The following PCNX2 variants were observed in gnomAD, a reference collection of about 807,000 sequenced individuals.
PCNX2 encodes the protein pecanex-like protein 2.
In PCNX2, 168 loss-of-function variants were observed where a neutral mutation model predicts 223.8. The observed-to-expected ratio is 0.75, with a 90% CI of 0.66 to 0.85. The LOEUF (loss-of-function observed/expected upper bound fraction) is 0.85. Among genes scored for constraint, PCNX2 ranks in the 40% least tolerant of loss-of-function variants. The pLI, the probability that PCNX2 is intolerant of heterozygous loss-of-function variation, is 0.00. For synonymous variants in PCNX2, 1,006 were observed against 1,052.6 expected, an observed-to-expected ratio of 0.96 and a Z score of 0.86; for missense variants, 2,507 against 2,675.5, an observed-to-expected ratio of 0.94 and a Z score of 1.39.
the PCNX2 span, among the ~76,000 whole-genome samples, chr1:233,322,152 C>T: frequency 6.6e-6 from 1 of 152,148 alleles, no homozygotes; most frequent in Non-Finnish European, 1.5e-5. Context: ...TGGACACTAA[C>T]TTTTTGTCCT....
intron 21 of PCNX2, among the ~76,000 whole-genome samples, chr1:233,097,034 G>T (rs766965666): frequency 2.0e-5 from 3 of 152,162 alleles, no homozygotes; most frequent in Non-Finnish European, 2.9e-5. Context: ...TTCTGGTTTA[G>T]GAGAAAAACT....
chr1:232,986,957 C>T (rs543745293), intron 32 of PCNX2, among the ~76,000 whole-genome samples: 48 of 152,344 alleles, frequency 3.2e-4, no homozygotes, highest in African/African-American at 1.1e-3. Flanking sequence ...GATCCTGGCT[C>T]AGGACCTTGG....
intron 23 of PCNX2, among the ~76,000 whole-genome samples, chr1:233,086,242 G>A (rs1423243667): frequency 6.6e-6 from 1 of 152,200 alleles, no homozygotes; most frequent in Non-Finnish European, 1.5e-5. Context: ...GTGGGAAAGT[G>A]TTGTGGGAGA....
chr1:232,998,335 C>T lies in PCNX2; in HGVS notation c.5707G>A (p.Gly1903Ser), dbSNP rs754304262. Reference protein sequence around the residue: ...TTGGNNAPSGGSQESSAEQPR... With the variant: ...TTGGNNAPSGSSQESSAEQPR... ...TGTTCTGCGCTGCTCTCCTGGCTGC[C>T]ACCACTCGGGGCATTGTTGCCACCT... Residue 1903 changes from glycine to serine, a missense_variant, in exon 32 of 34, where the codon GGC becomes AGC. Around this residue, in one of 3 missense-constraint regions of PCNX2, gnomAD observed 1,372 missense variants for 1,509.4 expected, o/e 0.91. Transcript: ENST00000258229. The T allele has an allele frequency of 1.9e-6, 3 of 1,613,200 alleles. No homozygotes were observed. Among genetic ancestry groups the T allele is most frequent in the Non-Finnish European group, 1.7e-6 (2 of 1,179,582 alleles).
In PCNX2 at chr1:233,258,662, G is replaced by A. The variant is rs1397917037; in HGVS notation, c.1200C>T (p.Gly400=). The A allele has an allele frequency of 6.8e-6, 11 of 1,613,836 alleles. No individual in the cohort carries two copies. In the South Asian group the frequency reaches 1.2e-4, roughly 18 times the overall value. ...CAGACTTTACACTGGTCTTCTCTGT[G>A]CCAACCACCCTCAGGTGGAGGGAGC... is the stretch of plus-strand genomic sequence containing the variant. ...LESSLHLRVV[G]TEKTSVKSDA... The change falls in exon 5 of 34, where the codon GGC becomes GGT. Residue 400 remains glycine, a synonymous_variant. Transcript: ENST00000258229.
rs1179001467 is a variant in PCNX2, at chr1:233,258,405, G to A, written c.1457C>T (p.Ser486Leu). ...GNAIKDHSSS[S>L]REPWESVSRL... Reference sequence around the variant, plus strand: ...GGACACCGATTCCCAGGGTTCCCGTGATGAAGAACTGTGATCCTTGATGGC... The same window carrying A: ...GGACACCGATTCCCAGGGTTCCCGTAATGAAGAACTGTGATCCTTGATGGC... The change falls in exon 5 of 34, where the codon TCA (serine) becomes TTA (leucine). Residue 486 changes from serine (S) to leucine (L), a missense_variant. By Grantham distance (145) the Ser-to-Leu change is moderately radical (BLOSUM62 -2). Coordinates refer to ENST00000258229, the MANE Select transcript of PCNX2 (RefSeq NM_014801.4). The A allele has an allele frequency of 6.2e-7, 1 of 1,613,980 alleles. No individual in the cohort carries two copies. Among genetic ancestry groups the A allele is most frequent in the Middle Eastern group, 1.6e-4 (1 of 6,062 alleles).
intron 21 of PCNX2, among the ~76,000 whole-genome samples, chr1:233,104,987 G>C (rs1439070596): frequency 1.3e-5 from 2 of 152,102 alleles, no homozygotes; most frequent in East Asian, 3.8e-4. Context: ...GTACCAACTA[G>C]AACTTTTAGA....
intron 1 of PCNX2, among the ~76,000 whole-genome samples, chr1:233,284,598 A>G (rs1026069416): frequency 3.9e-5 from 6 of 152,152 alleles, no homozygotes; most frequent in Non-Finnish European, 7.3e-5. Flanking sequence ...TTTATCTGTT[A>G]ACTGCATGGG....
chr1:233,229,323 A>G (rs1657923685), intron 9 of PCNX2, among the ~76,000 whole-genome samples: 1 of 152,240 alleles, frequency 6.6e-6, no homozygotes, highest in Admixed American at 6.5e-5. Context: ...GGACTGAATG[A>G]TAACAGTAAA....
intron 18 of PCNX2, among the ~76,000 whole-genome samples, chr1:233,161,023 A>C (rs1419802674): frequency 6.6e-6 from 1 of 152,162 alleles, no homozygotes; most frequent in Non-Finnish European, 1.5e-5. Flanking sequence ...ATTCTTGCAA[A>C]CAAAACAGCT....
intron 1 of PCNX2, 111 bp from the exon 2 acceptor site, chr1:233,263,274 C>T: frequency 3.3e-6 from 3 of 897,458 alleles, no homozygotes; most frequent in Non-Finnish European, 4.7e-6. Context: ...GGCAAGATTT[C>T]AAATTAGACT....
intron 20 of PCNX2, 91 bp from the exon 21 acceptor site, chr1:233,135,281 T>C: frequency 7.4e-7 from 1 of 1,348,024 alleles, no homozygotes. Context: ...GGATTGATGG[T>C]TCATTAAGAA....
At chr1:233,086,672 A>AAAT (rs912397863) in intron 23 of PCNX2, among the ~76,000 whole-genome samples, 43 of 151,800 alleles carry the variant, frequency 2.8e-4, no homozygotes, top group African/African-American at 7.0e-4. Flanking sequence ...CTCCATCTCA[A>AAAT]AATAATAATA....
chr1:233,187,484 C>A (rs1680172802), intron 15 of PCNX2, among the ~76,000 whole-genome samples: 1 of 152,142 alleles, frequency 6.6e-6, no homozygotes, highest in African/African-American at 2.4e-5. Context: ...ATCCCTCACT[C>A]CCCATCAGTC....
chr1:233,211,055 A>G (rs1298928650), intron 12 of PCNX2, among the ~76,000 whole-genome samples: 2 of 152,148 alleles, frequency 1.3e-5, no homozygotes, highest in African/African-American at 4.8e-5. Context: ...CCTCTTAGAG[A>G]CAGTGGAATG....
chr1:233,145,131 A>C (rs766001805), intron 19 of PCNX2, among the ~76,000 whole-genome samples: 1 of 151,546 alleles, frequency 6.6e-6, no homozygotes, highest in Admixed American at 6.6e-5. Context: ...CGCCCGGCTA[A>C]TTTTTTTGTA....
chr1:233,047,347 GA>G, intron 25 of PCNX2: 1 of 977,806 alleles, frequency 1.0e-6, no homozygotes, highest in Non-Finnish European at 1.2e-6. Flanking sequence ...CTGACAGACA[GA>G]AAAAGCACTG....
rs541891812 is a variant in PCNX2, at chr1:233,098,533, T to G, written c.3838-2670A>C. On this transcript the variant is annotated intron_variant, in intron 21 of 33. Transcript: ENST00000258229. ...ATGCCTTCTTTTTTTTTTCATGAAC[T>G]TTGTGAAGAATAAAATACATGCTTT... Among the ~76,000 whole-genome samples the G allele has an allele frequency of 4.7e-3, 708 of 152,242 alleles. 6 individuals carry two copies. The highest frequency in any genetic ancestry group is 0.016 in the African/African-American group (684 of 41,522).
In PCNX2 at chr1:233,258,072, A is replaced by G; in HGVS notation, c.1790T>C (p.Leu597Pro). 1 of 1,613,976 alleles carries G rather than the reference A, an allele frequency of 6.2e-7. No homozygotes were observed. Among genetic ancestry groups the G allele is most frequent in the Non-Finnish European group, 8.5e-7 (1 of 1,179,858 alleles). Residue 597 changes from leucine to proline, a missense_variant, in exon 5 of 34, where the codon CTG becomes CCG. By Grantham distance (98) the Leu-to-Pro change is moderately conservative. Around this residue, in one of 3 missense-constraint regions of PCNX2, gnomAD observed 1,031 missense variants for 1,021.7 expected, o/e 1.01. Coordinates refer to ENST00000258229, the MANE Select transcript of PCNX2 (RefSeq NM_014801.4). ...TTCATTCTGCTCAGCTGAGCCATTC[A>G]GTTGACTGGATGCCGTCATCTTGGA... ...NTSKMTASSQ[L>P]NGSAEQNEES...
Sources: allele counts gnomAD v4.1 joint callset (sites outside exome capture counted in the v4.1 genomes callset), GRCh38; gene constraint gnomAD v4.1.1; regional missense constraint gnomAD v4.1.1; transcripts MANE v1.5; gene names NCBI Gene and HGNC (gene_info 2026-07-23, HGNC 2026-07-21).